Variants in NCAM1 observed in about 807,000 individuals in gnomAD.
NCAM1 encodes neural cell adhesion molecule 1.
NCAM1 carries 14 observed loss-of-function variants against 109.8 expected under a neutral mutation model. That is an observed-to-expected ratio of 0.13 (90% CI 0.08 to 0.20). The LOEUF is 0.20. NCAM1 is among the 10% of genes least tolerant of loss of function. The probability of loss-of-function intolerance (pLI) is 1.00; values close to 1 mark genes in which losing one functional copy is unlikely to be tolerated. For synonymous variants in NCAM1, 418 were observed against 442.9 expected, an observed-to-expected ratio of 0.94 and a Z score of 0.70; for missense variants, 774 against 1,109.9, an observed-to-expected ratio of 0.70 and a Z score of 4.30.
chr11:113,101,049 C>A (rs1250208389), intron 1 of NCAM1, among the ~76,000 whole-genome samples: 3 of 152,128 alleles, frequency 2.0e-5, no homozygotes, highest in Non-Finnish European at 4.4e-5. Flanking sequence ...CCAGAAGGAG[C>A]CTGGTTGTAT....
At chr11:113,121,558 AGGCACTGTACTCCAG>A (rs1940961840) in intron 1 of NCAM1, among the ~76,000 whole-genome samples, 1 of 148,652 alleles carries the variant, frequency 6.7e-6, no homozygotes, top group South Asian at 2.2e-4. Context: ...AAAAAAAAAA[AGGCACTGTACTCCAG>A]AAAGGGGCTT....
chr11:113,250,687 G>T (rs1271087482), intron 15 of NCAM1, among the ~76,000 whole-genome samples: 1 of 152,250 alleles, frequency 6.6e-6, no homozygotes, highest in Non-Finnish European at 1.5e-5. Context: ...AGATTGTAAT[G>T]CAAGCCCCAC....
At chr11:112,988,705 T>C (rs782104594) in intron 1 of NCAM1, among the ~76,000 whole-genome samples, 1 of 152,032 alleles carries the variant, frequency 6.6e-6, no homozygotes, top group Non-Finnish European at 1.5e-5. Flanking sequence ...GTTTCTTTTC[T>C]TTTGCTGCTT....
intron 1 of NCAM1, among the ~76,000 whole-genome samples, chr11:113,170,740 C>T (rs1431334464): frequency 6.6e-6 from 1 of 151,762 alleles, no homozygotes; most frequent in Non-Finnish European, 1.5e-5. Flanking sequence ...AAACTAAGGG[C>T]AAAAAGGTGT....
At chr11:113,207,410 A>T in intron 6 of NCAM1, 32 bp downstream of exon 6, 1 of 1,554,464 alleles carries the variant, frequency 6.4e-7, no homozygotes, top group Non-Finnish European at 8.9e-7. Flanking sequence ...TTTATCATGG[A>T]CTAGAGGAGA....
chr11:113,091,899 G>A (rs1327878618), intron 1 of NCAM1, among the ~76,000 whole-genome samples: 1 of 152,190 alleles, frequency 6.6e-6, no homozygotes, highest in African/African-American at 2.4e-5. Flanking sequence ...GAAAGAAACA[G>A]AGGCAAAAGG....
chr11:113,227,291 A>G (rs1259079937), intron 9 of NCAM1, among the ~76,000 whole-genome samples: 1 of 151,220 alleles, frequency 6.6e-6, no homozygotes, highest in Non-Finnish European at 1.5e-5. Flanking sequence ...CCATCAGAGA[A>G]TACTATAAAC....
intron 1 of NCAM1, among the ~76,000 whole-genome samples, chr11:113,162,264 G>T (rs1942626549): frequency 6.6e-6 from 1 of 151,986 alleles, no homozygotes. Flanking sequence ...CAACCCCTTT[G>T]TCTTTTTGGT....
chr11:113,212,784 A>G (rs1409316620), intron 7 of NCAM1, among the ~76,000 whole-genome samples: 3 of 152,064 alleles, frequency 2.0e-5, no homozygotes, highest in African/African-American at 7.2e-5. Context: ...CTTCCCTTTC[A>G]ATGGCACTTG....
chr11:113,008,835 A>G (rs1344496732), intron 1 of NCAM1, among the ~76,000 whole-genome samples: 1 of 152,220 alleles, frequency 6.6e-6, no homozygotes, highest in Non-Finnish European at 1.5e-5. Context: ...CTCTTCCTTA[A>G]ACTCTGGCAT....
chr11:113,225,896 A>C (rs1479777645), intron 9 of NCAM1, among the ~76,000 whole-genome samples: 1 of 152,222 alleles, frequency 6.6e-6, no homozygotes, highest in African/African-American at 2.4e-5. Flanking sequence ...AGATTTTGTC[A>C]CCACCAGGCC....
rs1479355827 is a variant in NCAM1, at chr11:112,963,526, G to A, written c.52+1862G>A. ...GCGGGGCCGTGGCAGGGCCCGGAGA[G>A]GAGGGGTGGGGACCAAGCCTAGTCC... On this transcript the variant is annotated intron_variant, in intron 1 of 19. Transcript: ENST00000316851. The surrounding 1 kb of genome is among the most constrained non-coding windows in gnomAD (Gnocchi z 4.6). 6.6e-6 allele frequency: 1 copy of A among 152,282 alleles called. No individual in the cohort carries two copies. Among genetic ancestry groups the A allele is most frequent in the Non-Finnish European group, 1.5e-5 (1 of 68,116 alleles). The allele number at this position is 152,282 out of a possible 1,614,324, so 9.4% of individuals were successfully genotyped here. A position where few individuals can be genotyped will look rare whatever the true frequency, so the allele number is the denominator to read the frequency against.
chr11:113,049,238 T>C (rs1208584964), intron 1 of NCAM1, among the ~76,000 whole-genome samples: 1 of 152,140 alleles, frequency 6.6e-6, no homozygotes, highest in Non-Finnish European at 1.5e-5. Flanking sequence ...TTTTATGTTA[T>C]GTGAATTTCA....
intron 1 of NCAM1, among the ~76,000 whole-genome samples, chr11:113,025,879 G>T (rs1952530368): frequency 6.6e-6 from 1 of 151,670 alleles, no homozygotes; most frequent in Non-Finnish European, 1.5e-5. Flanking sequence ...AGCGTGGGTT[G>T]GCTGCTTTAT....
At chr11:113,095,315 C>CGTGTGTGTGTGTGTGTGTGTGTGT in intron 1 of NCAM1, among the ~76,000 whole-genome samples, 1 of 151,266 alleles carries the variant, frequency 6.6e-6, no homozygotes, top group African/African-American at 2.4e-5. Flanking sequence ...TAATAGAATG[C>CGTGTGTGTGTGTGTGTGTGTGTGT]GTGTGTGTGT....
intron 8 of NCAM1, 148 bp from the exon 9 acceptor site, chr11:113,221,148 A>AACAC (rs1480834460): frequency 2.2e-5 from 16 of 717,624 alleles, no homozygotes; most frequent in Non-Finnish European, 3.5e-5. Flanking sequence ...TTGTGTAATA[A>AACAC]ACACACCATT....
At position 113,200,778 on chromosome 11, in the gene NCAM1, C is replaced by T. The variant is rs137899562; in HGVS notation, c.53-1601C>T. Among the ~76,000 whole-genome samples, 996 of 152,230 alleles carry T rather than the reference C, an allele frequency of 6.5e-3. 6 individuals are homozygous for T. Among genetic ancestry groups the T allele is most frequent in the Non-Finnish European group, 0.011 (765 of 67,994 alleles). On this transcript the variant is annotated intron_variant, in intron 1 of 19. Coordinates refer to ENST00000316851, the MANE Select transcript of NCAM1 (RefSeq NM_181351.5). ...ACTTGCACTGCGGGCAGTGACCCCGCGGCATAGTATTCCAGCACAGCTCTG... is the reference window on the plus strand; with the variant it reads ...ACTTGCACTGCGGGCAGTGACCCCGTGGCATAGTATTCCAGCACAGCTCTG...
At chr11:112,969,323 T>C (rs1388530476) in intron 1 of NCAM1, among the ~76,000 whole-genome samples, 2 of 152,166 alleles carry the variant, frequency 1.3e-5, no homozygotes, top group Non-Finnish European at 2.9e-5. Context: ...AAAGGTTAAA[T>C]GACTTAGGCA....
intron 1 of NCAM1, among the ~76,000 whole-genome samples, chr11:113,137,217 A>G (rs1474481964): frequency 6.6e-6 from 1 of 152,238 alleles, no homozygotes; most frequent in African/African-American, 2.4e-5. Flanking sequence ...AAATAAAAGA[A>G]CATGAGTAAA....
Sources: allele counts gnomAD v4.1 joint callset (sites outside exome capture counted in the v4.1 genomes callset), GRCh38; gene constraint gnomAD v4.1.1; non-coding constraint Gnocchi (gnomAD v3.1); transcripts MANE v1.5; gene names NCBI Gene and HGNC (gene_info 2026-07-23, HGNC 2026-07-21).